The following NRP1 variants were observed in gnomAD, a reference collection of about 807,000 sequenced individuals.
NRP1 encodes neuropilin 1.
Under a neutral mutation model 106.7 loss-of-function variants are expected in NRP1, and 35 were observed. That is an observed-to-expected ratio of 0.33 (90% CI 0.25 to 0.43). The LOEUF is 0.43. NRP1 is among the 20% of genes least tolerant of loss of function. The probability of loss-of-function intolerance (pLI) is 1.00; values close to 1 mark genes in which losing one functional copy is unlikely to be tolerated. For synonymous variants in NRP1, 437 were observed against 417.9 expected (o/e 1.05, Z -0.56); for missense variants, 1,024 against 1,170.4 (o/e 0.87, Z 1.83).
intron 12 of NRP1, among the ~76,000 whole-genome samples, chr10:33,193,806 T>C (rs577738781): frequency 1.3e-5 from 2 of 152,294 alleles, no homozygotes; most frequent in South Asian, 2.1e-4. Context: ...ATAAGAATGA[T>C]TTACTTTGCA....
chr10:33,334,388 C>T lies in NRP1; in HGVS notation c.-6G>A. 6.5e-7 allele frequency: 1 copy of T among 1,544,786 alleles called. No individual in the cohort carries two copies. ...AGCGGCAGCCCCCTCTCCATTCTCCCTTCTCCGGGTCCGCAGGCAGACGCG... is the reference window on the plus strand; with the variant it reads ...AGCGGCAGCCCCCTCTCCATTCTCCTTTCTCCGGGTCCGCAGGCAGACGCG... On this transcript the variant is annotated 5_prime_UTR_variant, in exon 1 of 17. Transcript: ENST00000374867.
intron 2 of NRP1, among the ~76,000 whole-genome samples, chr10:33,294,405 G>A (rs1452243588): frequency 6.6e-6 from 1 of 152,014 alleles, no homozygotes; most frequent in Non-Finnish European, 1.5e-5. Flanking sequence ...ATCTCCTGAG[G>A]TCGGGAGTTC....
chr10:33,245,321 G>GT (rs927648535), intron 6 of NRP1, among the ~76,000 whole-genome samples: 4 of 152,180 alleles, frequency 2.6e-5, no homozygotes, highest in Non-Finnish European at 4.4e-5. Context: ...ACTTACATGT[G>GT]TATGTATGCT....
intron 2 of NRP1, among the ~76,000 whole-genome samples, chr10:33,306,220 G>A (rs546468099): frequency 5.8e-4 from 88 of 152,316 alleles, no homozygotes; most frequent in African/African-American, 2.0e-3. Context: ...GTTCATGGCA[G>A]AGAGCTGTCT....
chr10:33,251,349 T>C (rs1164599095), intron 6 of NRP1, among the ~76,000 whole-genome samples: 1 of 152,200 alleles, frequency 6.6e-6, no homozygotes, highest in East Asian at 1.9e-4. Context: ...CTTTCCTTTA[T>C]AAATTAACCC....
rs375566888 is a variant in NRP1 at position 33,334,575 on chromosome 10, T to C, written c.-193A>G. ...AGAGGAACGCTTCTCTTTTTGTGTC[T>C]CAAGTCGCCTGCATCCTGTCATTTA... is the stretch of plus-strand genomic sequence containing the variant. On this transcript the variant is annotated 5_prime_UTR_variant, in exon 1 of 17. The change abolishes the stop of an existing upstream ORF in the 5' untranslated region. Transcript: ENST00000374867. 2.1e-6 allele frequency: 1 copy of C among 465,856 alleles called. No homozygotes were observed. Among genetic ancestry groups the C allele is most frequent in the East Asian group, 4.1e-5 (1 of 24,558 alleles). The allele number at this position is 465,856 out of a possible 1,614,324, so 28.9% of individuals were successfully genotyped here.
intron 2 of NRP1, among the ~76,000 whole-genome samples, chr10:33,293,224 G>A (rs1845129825): frequency 6.6e-6 from 1 of 152,128 alleles, no homozygotes; most frequent in Admixed American, 6.5e-5. Context: ...TGAACACAAT[G>A]GTCCAGACAG....
intron 4 of NRP1, among the ~76,000 whole-genome samples, chr10:33,262,500 C>T (rs774261460): frequency 6.6e-6 from 1 of 151,792 alleles, no homozygotes; most frequent in Admixed American, 6.6e-5. Context: ...GTCAGGAGTT[C>T]GAGACCAGCC....
At chr10:33,315,167 G>A (rs1161419243) in intron 2 of NRP1, among the ~76,000 whole-genome samples, 1 of 152,172 alleles carries the variant, frequency 6.6e-6, no homozygotes, top group Non-Finnish European at 1.5e-5. Flanking sequence ...CTGTAAGACA[G>A]AAAGAAAAAC....
At chr10:33,265,408 T>C (rs1842856453) in intron 3 of NRP1, among the ~76,000 whole-genome samples, 1 of 152,200 alleles carries the variant, frequency 6.6e-6, no homozygotes, top group Admixed American at 6.5e-5. Context: ...CTAAATAAGG[T>C]GCTTTGTTGA....
chr10:33,240,893 C>A (rs1313223612), intron 6 of NRP1, among the ~76,000 whole-genome samples: 1 of 152,220 alleles, frequency 6.6e-6, no homozygotes, highest in Non-Finnish European at 1.5e-5. Flanking sequence ...GAATGCCAAT[C>A]ATTCCTGAGA....
At chr10:33,239,924 C>G (rs971495536) in intron 6 of NRP1, among the ~76,000 whole-genome samples, 1 of 152,186 alleles carries the variant, frequency 6.6e-6, no homozygotes, top group Admixed American at 6.5e-5. Flanking sequence ...GAAAATAGAA[C>G]AACATCAGAA....
In NRP1 at chr10:33,318,591, G is replaced by C. The variant is rs761980736; in HGVS notation, c.248+12117C>G. Reference sequence around the variant, plus strand: ...AAAGAAATTGGCATGGGGAGAAACGGGAAGAAGAATGCAAAGCTGTTTCCT... The same window carrying C: ...AAAGAAATTGGCATGGGGAGAAACGCGAAGAAGAATGCAAAGCTGTTTCCT... On this transcript the variant is annotated intron_variant, in intron 2 of 16. Coordinates refer to ENST00000374867, the MANE Select transcript of NRP1 (RefSeq NM_003873.7). Among the ~76,000 whole-genome samples the C allele has an allele frequency of 5.9e-5, 9 of 152,000 alleles. No individual in the cohort carries two copies. The South Asian group carries it at 8.3e-4, about 14-fold the overall frequency.
chr10:33,320,391 C>T (rs1006023408), intron 2 of NRP1, among the ~76,000 whole-genome samples: 8 of 151,624 alleles, frequency 5.3e-5, no homozygotes, highest in Non-Finnish European at 1.0e-4. Context: ...CTGCTGGGAA[C>T]CAGAGGCCCC....
At chr10:33,273,578 T>C (rs574879900) in intron 2 of NRP1, among the ~76,000 whole-genome samples, 1 of 152,300 alleles carries the variant, frequency 6.6e-6, no homozygotes, top group South Asian at 2.1e-4. Flanking sequence ...TCTGTTACTG[T>C]TGCCAGTGTG....
chr10:33,276,221 T>A (rs1185720615), intron 2 of NRP1, among the ~76,000 whole-genome samples: 1 of 152,188 alleles, frequency 6.6e-6, no homozygotes, highest in Non-Finnish European at 1.5e-5. Flanking sequence ...TATATATAAA[T>A]AAACAAATCA....
intron 2 of NRP1, among the ~76,000 whole-genome samples, chr10:33,313,933 G>GTTCCTTCC (rs370164824): frequency 6.6e-6 from 1 of 151,774 alleles, no homozygotes; most frequent in Non-Finnish European, 1.5e-5. Context: ...TATTACGTAA[G>GTTCCTTCC]TTCCTTCCTT....
chr10:33,207,785 C>T, intron 9 of NRP1, 69 bp from the exon 10 acceptor site: 1 of 1,547,584 alleles, frequency 6.5e-7, no homozygotes, highest in Non-Finnish European at 8.8e-7. Flanking sequence ...GCAACTGTTT[C>T]TTCCCTCCTT....
At position 33,213,529 on chromosome 10, in the gene NRP1, C is replaced by T. The variant is rs1376633400; in HGVS notation, c.1471G>A (p.Glu491Lys). The change falls in exon 9 of 17, where the codon GAG (glutamate) becomes AAG (lysine). Residue 491 changes from glutamate to lysine, a missense_variant. Physicochemically the swap from Glu to Lys is moderately conservative, Grantham distance 56 (BLOSUM62 1). Transcript: ENST00000374867. Reference protein sequence around the residue: ...INEWLQIDLGEEKIVRGIIIQ... With the variant: ...INEWLQIDLGKEKIVRGIIIQ... Reference sequence around the variant, plus strand: ...ATGATGCCCCTCACGATCTTCTCCTCCCCCAGGTCTATTTGGAGCCACTCA... The same window carrying T: ...ATGATGCCCCTCACGATCTTCTCCTTCCCCAGGTCTATTTGGAGCCACTCA... 6.8e-6 allele frequency: 11 copies of T among 1,613,948 alleles called. No individual in the cohort carries two copies. Among genetic ancestry groups the T allele is most frequent in the Non-Finnish European group, 9.3e-6 (11 of 1,180,034 alleles).
Sources: allele counts gnomAD v4.1 joint callset (sites outside exome capture counted in the v4.1 genomes callset), GRCh38; gene constraint gnomAD v4.1.1; transcripts MANE v1.5; gene names NCBI Gene and HGNC (gene_info 2026-07-23, HGNC 2026-07-21).